Variants in SCP2 observed in about 807,000 individuals in gnomAD.
SCP2 encodes the protein sterol carrier protein 2.
A neutral mutation model predicts 71.4 loss-of-function variants in SCP2; 48 were observed. The ratio of observed to expected loss-of-function variants is 0.67; its 90% CI spans 0.53 to 0.86. SCP2 has a LOEUF of 0.86. Among genes scored for constraint, SCP2 ranks in the 40% least tolerant of loss-of-function variants. The pLI, the probability that SCP2 is intolerant of heterozygous loss-of-function variation, is 0.00. For missense variants in SCP2, 560 were observed against 655.6 expected, an observed-to-expected ratio of 0.85 and a Z score of 1.59; for synonymous variants, 220 against 218.1, an observed-to-expected ratio of 1.01 and a Z score of -0.08.
At chr1:52,970,479 T>C (rs147726131) in intron 6 of SCP2, among the ~76,000 whole-genome samples, 28 of 152,314 alleles carry the variant, frequency 1.8e-4, no homozygotes. Flanking sequence ...TGTCCTCTTA[T>C]GCTGCTTTTC....
chr1:52,950,965 T>G (rs1655237645), intron 4 of SCP2, 79 bp downstream of exon 4: 1 of 1,471,800 alleles, frequency 6.8e-7, no homozygotes, highest in African/African-American at 1.4e-5. Flanking sequence ...AGGAATTATT[T>G]TATAATGTAT....
At chr1:52,967,814 C>T (rs577974759) in intron 6 of SCP2, among the ~76,000 whole-genome samples, 2 of 152,256 alleles carry the variant, frequency 1.3e-5, no homozygotes, top group South Asian at 4.2e-4. Flanking sequence ...CACACAATTG[C>T]TTTCTTTGTA....
chr1:52,961,431 T>C (rs1220273071), intron 5 of SCP2, 72 bp from the exon 6 acceptor site: 3 of 1,460,328 alleles, frequency 2.1e-6, no homozygotes, highest in East Asian at 2.3e-5. Flanking sequence ...AATATCTTAA[T>C]AGCACTGTAG....
chr1:52,948,135 A>G (rs1196624572), intron 3 of SCP2, 55 bp downstream of exon 3: 12 of 1,026,956 alleles, frequency 1.2e-5, no homozygotes, highest in Non-Finnish European at 1.7e-5. Context: ...AGCAGCAACT[A>G]TACAAACAAT....
intron 13 of SCP2, among the ~76,000 whole-genome samples, chr1:53,037,520 A>G (rs974981823): frequency 2.0e-5 from 3 of 149,344 alleles, no homozygotes; most frequent in Non-Finnish European, 4.4e-5. Flanking sequence ...GAATGAAGGG[A>G]AAAAAAAGAG....
At chr1:53,010,683 C>G (rs917473202) in intron 11 of SCP2, among the ~76,000 whole-genome samples, 1 of 151,972 alleles carries the variant, frequency 6.6e-6, no homozygotes. Flanking sequence ...ATATAAATGA[C>G]GAGTTAATGG....
intron 6 of SCP2, among the ~76,000 whole-genome samples, chr1:52,974,191 GT>G (rs1230595673): frequency 6.6e-6 from 1 of 151,832 alleles, no homozygotes; most frequent in African/African-American, 2.4e-5. Flanking sequence ...TTTAAAAGTA[GT>G]AAAAAAAAAT....
chr1:52,976,881 C>T, intron 8 of SCP2, 112 bp downstream of exon 8: 1 of 690,844 alleles, frequency 1.4e-6, no homozygotes, highest in South Asian at 1.6e-5. Flanking sequence ...TCACAGAACT[C>T]CTCCCAGTGC....
rs1658787501 is a variant in SCP2, at chr1:52,984,399, A to T, written c.974-3630A>T. 3.3e-5 allele frequency among the ~76,000 whole-genome samples: 5 copies of T among 151,998 alleles called. No homozygotes were observed. The South Asian group carries it at 1.0e-3, about 32-fold the overall frequency. On this transcript the variant is annotated intron_variant, in intron 10 of 15. Transcript: ENST00000371514. ...TCAGAGTCCTCAGGCAGTTTTTTTT[A>T]TTTTTATTTTTATATCCAGTGTTTT...
At chr1:53,037,379 C>A (rs1239226337) in intron 13 of SCP2, among the ~76,000 whole-genome samples, 1 of 152,072 alleles carries the variant, frequency 6.6e-6, no homozygotes, top group Admixed American at 6.6e-5. Context: ...CCTGTGTTTC[C>A]CTTGATCGCA....
intron 10 of SCP2, among the ~76,000 whole-genome samples, chr1:52,987,727 A>G (rs1042092084): frequency 7.2e-5 from 11 of 152,340 alleles, no homozygotes; most frequent in African/African-American, 2.6e-4. Context: ...TATTTTAGTT[A>G]TAGCATTATA....
chr1:53,050,301 G>A (rs1664124242), intron 15 of SCP2: 2 of 257,020 alleles, frequency 7.8e-6, no homozygotes, highest in Non-Finnish European at 1.5e-5. Context: ...CACCTACATG[G>A]AATGTTTTAA....
chr1:53,047,983 G>T, intron 15 of SCP2, 46 bp downstream of exon 15: 1 of 1,317,472 alleles, frequency 7.6e-7, no homozygotes, highest in Non-Finnish European at 1.1e-6. Context: ...AGGTCTTTCA[G>T]CCCTTTCTAC....
Position 53,047,884 on chromosome 1 carries a change from A to G in SCP2, c.1495A>G (p.Met499Val), listed in dbSNP as rs773072892. 1.2e-6 allele frequency: 2 copies of G among 1,613,502 alleles called. No homozygotes were observed. Among genetic ancestry groups the G allele is most frequent in the South Asian group, 1.1e-5 (1 of 91,062 alleles). The part of the protein sequence containing the change: ...SDKKADCTIT[M>V]ADSDFLALMT... ...TAAGAAGGCTGACTGCACAATCACAATGGCTGACTCAGACTTCCTGGCTTT... is the reference window on the plus strand; with the variant it reads ...TAAGAAGGCTGACTGCACAATCACAGTGGCTGACTCAGACTTCCTGGCTTT... The change falls in exon 15 of 16, where the codon ATG becomes GTG. Residue 499 changes from methionine (M) to valine (V), a missense_variant. Met to Val is a conservative substitution (Grantham distance 21, BLOSUM62 1). This residue lies in a region of SCP2 where 43 missense variants were observed against 65.9 expected (regional missense o/e 0.65). Transcript: ENST00000371514.
chr1:52,996,087 T>G (rs962315448), intron 11 of SCP2: 10 of 780,268 alleles, frequency 1.3e-5, no homozygotes, highest in Non-Finnish European at 1.8e-5. Flanking sequence ...CACCTGCCCC[T>G]TTTCTCTACC....
At chr1:52,977,687 G>T (rs1018254570) in intron 8 of SCP2, among the ~76,000 whole-genome samples, 1 of 152,192 alleles carries the variant, frequency 6.6e-6, no homozygotes, top group Non-Finnish European at 1.5e-5. Context: ...GGGGCTGGGC[G>T]TGGTAGCTCA....
chr1:52,954,685 A>C, intron 4 of SCP2, 55 bp from the exon 5 acceptor site: 1 of 1,357,720 alleles, frequency 7.4e-7, no homozygotes, highest in Non-Finnish European at 1.1e-6. Flanking sequence ...ATTTAATGGT[A>C]TTTTGTTGGT....
chr1:52,999,284 G>A (rs925508209), intron 11 of SCP2, among the ~76,000 whole-genome samples: 3 of 152,234 alleles, frequency 2.0e-5, no homozygotes, highest in African/African-American at 4.8e-5. Context: ...CACAATGACA[G>A]TTATGAGTAG....
intron 11 of SCP2, among the ~76,000 whole-genome samples, chr1:52,992,471 CT>C (rs1255391206): frequency 6.6e-6 from 1 of 152,244 alleles, no homozygotes; most frequent in Non-Finnish European, 1.5e-5. Context: ...GAAATTATTC[CT>C]TTTTACCCTT....
Sources: allele counts gnomAD v4.1 joint callset (sites outside exome capture counted in the v4.1 genomes callset), GRCh38; gene constraint gnomAD v4.1.1; regional missense constraint gnomAD v4.1.1; transcripts MANE v1.5; gene names NCBI Gene and HGNC (gene_info 2026-07-23, HGNC 2026-07-21).